Variants in SEMA6B observed in about 807,000 individuals in gnomAD.
The protein encoded by SEMA6B is semaphorin-6B.
A neutral mutation model predicts 78.6 loss-of-function variants in SEMA6B; 47 were observed. That is an observed-to-expected ratio of 0.60 (90% CI 0.47 to 0.76). The LOEUF (loss-of-function observed/expected upper bound fraction) is 0.76. SEMA6B is among the 30% of genes least tolerant of loss of function. The pLI, the probability that SEMA6B is intolerant of heterozygous loss-of-function variation, is 0.00. For missense variants in SEMA6B, 1,213 were observed against 1,269.9 expected (o/e 0.96, Z 0.68); for synonymous variants, 632 against 592.2 (o/e 1.07, Z -0.98).
At chr19:4,548,821 T>G (rs1977242316) in intron 12 of SEMA6B, among the ~76,000 whole-genome samples, 1 of 151,852 alleles carries the variant, frequency 6.6e-6, no homozygotes, top group Non-Finnish European at 1.5e-5. Flanking sequence ...GCACACGCCA[T>G]CACGCCTGGC....
Position 4,546,468 on chromosome 19 carries a change from T to A in SEMA6B, c.1603A>T (p.Asn535Tyr). Residue 535 changes from asparagine to tyrosine, a missense_variant and splice_region_variant, in exon 15 of 17, where the codon AAC becomes TAC. Coordinates refer to ENST00000586582, the MANE Select transcript of SEMA6B (RefSeq NM_032108.4). ...TAGGGGTCCTGACTGCCGATACAGT[T>A]CCTAGAGCAGACCAGGGACCGAATG... Reference protein sequence around the residue: ...RCQQYSGCMKNCIGSQDPYCG... With the variant: ...RCQQYSGCMKYCIGSQDPYCG... 8.3e-6 allele frequency: 13 copies of A among 1,557,826 alleles called. No individual in the cohort carries two copies. Among genetic ancestry groups the A allele is most frequent in the Non-Finnish European group, 1.1e-5 (13 of 1,150,120 alleles).
Position 4,558,081 on chromosome 19 carries a change from C to G in SEMA6B, c.190G>C (p.Asp64His). 6.5e-7 allele frequency: 1 copy of G among 1,527,920 alleles called. No individual in the cohort carries two copies. The highest frequency in any genetic ancestry group is 8.9e-7 in the Non-Finnish European group (1 of 1,129,406). The allele number at this position is 1,527,920 out of a possible 1,614,324, so 94.6% of individuals were successfully genotyped here. ...CGCAGGACTCGCTGGATGTTGAGGT[C>G]GTCAGCACCTTCTGCGGGGGTCAGG... ...GRLTPAEGAD[D>H]LNIQRVLRVN... Residue 64 changes from aspartate to histidine, a missense_variant, in exon 3 of 17, where the codon GAC becomes CAC. Asp to His is a moderately conservative substitution (Grantham distance 81, BLOSUM62 -1). Transcript: ENST00000586582. This position sits in a 1 kb window ranked among gnomAD's most constrained non-coding sequence, Gnocchi z 5.1.
rs1309054114 is a variant in SEMA6B at position 4,551,032 on chromosome 19, G to C, written c.990-102C>G. 5.1e-6 allele frequency: 7 copies of C among 1,361,388 alleles called. No homozygotes were observed. In the Admixed American group the frequency reaches 1.1e-4, roughly 21 times the overall value. 84.3% of individuals were successfully genotyped at this position (1,361,388 alleles called of 1,614,324 possible). ...GTCTGCAGGAGCCAGTGAATCTTCAGTCTTCCTAGGCCAGAGATGTCCCCT... is the reference window on the plus strand; with the variant it reads ...GTCTGCAGGAGCCAGTGAATCTTCACTCTTCCTAGGCCAGAGATGTCCCCT... On this transcript the variant is annotated intron_variant, in intron 10 of 16. Transcript: ENST00000586582.
chr19:4,556,095 G>A lies in SEMA6B; in HGVS notation c.370-6C>T. On this transcript the variant is annotated splice_polypyrimidine_tract_variant and splice_region_variant and intron_variant, in intron 5 of 16. Transcript: ENST00000586582. The stretch of plus-strand genomic sequence containing the variant: ...ACGAAGTTTCGACACTCGCCCTGAG[G>A]TGGGGACAGGAGGAAGCGGGGAGCG... 6.2e-7 allele frequency: 1 copy of A among 1,608,012 alleles called. No homozygotes were observed.
chr19:4,557,996 C>A, intron 3 of SEMA6B, 30 bp downstream of exon 3: 1 of 1,343,744 alleles, frequency 7.4e-7, no homozygotes, highest in Non-Finnish European at 9.7e-7. Context: ...CTGCTCGTCA[C>A]ACAGGCCTCC....
chr19:4,550,111 T>G lies in SEMA6B; in HGVS notation c.1271+12A>C. 1 of 1,613,308 alleles carries G rather than the reference T, an allele frequency of 6.2e-7. No individual in the cohort carries two copies. The highest frequency in any genetic ancestry group is 8.5e-7 in the Non-Finnish European group (1 of 1,179,806). On this transcript the variant is annotated intron_variant, in intron 12 of 16. Coordinates refer to ENST00000586582, the MANE Select transcript of SEMA6B (RefSeq NM_032108.4). This position sits in a 1 kb window ranked among gnomAD's most constrained non-coding sequence, Gnocchi z 6.6. ...GTCTCCCCTCGCCATGCCCTGCCTCTCCAGGACCGACCTCATCAGGGTCCG... is the reference window on the plus strand; with the variant it reads ...GTCTCCCCTCGCCATGCCCTGCCTCGCCAGGACCGACCTCATCAGGGTCCG...
Position 4,543,311 on chromosome 19 carries a change from A to T in SEMA6B, c.*290T>A, listed in dbSNP as rs1318680437. On this transcript the variant is annotated 3_prime_UTR_variant, in exon 17 of 17. Coordinates refer to ENST00000586582, the MANE Select transcript of SEMA6B (RefSeq NM_032108.4). ...TGGTTAGAAAACCGCAAAAGAAACC[A>T]AAACTGCAAAAAAAACCAAAACCTA... is the stretch of plus-strand genomic sequence containing the variant. The T allele has an allele frequency of 1.1e-5, 5 of 459,928 alleles. No homozygotes were observed. The highest frequency in any genetic ancestry group is 7.7e-5 in the Admixed American group (2 of 25,972). 28.5% of individuals were successfully genotyped at this position (459,928 alleles called of 1,614,324 possible).
In SEMA6B at chr19:4,554,373, C is replaced by A; in HGVS notation, c.771+15G>T. The A allele has an allele frequency of 6.2e-7, 1 of 1,605,590 alleles. No homozygotes were observed. Among genetic ancestry groups the A allele is most frequent in the Non-Finnish European group, 8.5e-7 (1 of 1,172,296 alleles). ...CAGAGCCTCTCAACTTCATGCCCCACTGCACCGGCCTCACCTTCTCCAGGT... is the reference window on the plus strand; with the variant it reads ...CAGAGCCTCTCAACTTCATGCCCCAATGCACCGGCCTCACCTTCTCCAGGT... On this transcript the variant is annotated intron_variant, in intron 9 of 16. Coordinates refer to ENST00000586582, the MANE Select transcript of SEMA6B (RefSeq NM_032108.4).
chr19:4,556,531 G>C (rs1977474628), intron 5 of SEMA6B, among the ~76,000 whole-genome samples: 1 of 149,754 alleles, frequency 6.7e-6, no homozygotes, highest in African/African-American at 2.5e-5. Context: ...CGGGGGCGTG[G>C]GGGGCGGCAG....
rs371156129 is a variant in SEMA6B at position 4,555,412 on chromosome 19, A to C, written c.562+62T>G. 29 of 1,428,422 alleles carry C rather than the reference A, an allele frequency of 2.0e-5. No homozygotes were observed. In the African/African-American group the frequency reaches 3.0e-4, roughly 15 times the overall value. 88.5% of individuals were successfully genotyped at this position (1,428,422 alleles called of 1,614,324 possible). On this transcript the variant is annotated intron_variant, in intron 7 of 16. Transcript: ENST00000586582. This position sits in a 1 kb window ranked among gnomAD's most constrained non-coding sequence, Gnocchi z 6.1. Reference sequence around the variant, plus strand: ...TTCTAAACAACCCAGACGCTGGAGTAGAAAATGCCAGGTCTTGCCTGTGGC... The same window carrying C: ...TTCTAAACAACCCAGACGCTGGAGTCGAAAATGCCAGGTCTTGCCTGTGGC...
At chr19:4,556,142 G>T in intron 5 of SEMA6B, 53 bp from the exon 6 acceptor site, 1 of 1,301,706 alleles carries the variant, frequency 7.7e-7, no homozygotes, top group Non-Finnish European at 1.1e-6. Context: ...TGGTCATGGT[G>T]ATGGGCGTGG....
chr19:4,554,207 C>T (rs1050957806), intron 9 of SEMA6B, among the ~76,000 whole-genome samples, 181 bp downstream of exon 9: 2 of 152,110 alleles, frequency 1.3e-5, no homozygotes, highest in Admixed American at 6.6e-5. Flanking sequence ...GAGTGCTCCA[C>T]GGCTGCTCCG....
In SEMA6B at chr19:4,546,387, A is replaced by G; in HGVS notation, c.1679+5T>C. 6.3e-7 allele frequency: 1 copy of G among 1,585,000 alleles called. No homozygotes were observed. Among genetic ancestry groups the G allele is most frequent in the Non-Finnish European group, 8.6e-7 (1 of 1,165,050 alleles). On this transcript the variant is annotated splice_donor_5th_base_variant and intron_variant, in intron 15 of 16. Transcript: ENST00000586582. ...CCCTCCACCCACCTCCCTCTCCCGC[A>G]GTACCTGGTGCCCGGGCTGAGGAAG...
Position 4,542,648 on chromosome 19 carries a change from A to AGAGG in SEMA6B, c.*949_*952dup, listed in dbSNP as rs1022045486. ...GGGGGCTGGGGGAGGCAAACTCCAGAGAGGGCAGAGGACCCAGCCAGCCAC... is the reference window on the plus strand; with the variant it reads ...GGGGGCTGGGGGAGGCAAACTCCAGAGAGGGAGGGCAGAGGACCCAGCCAGCCAC... On this transcript the variant is annotated 3_prime_UTR_variant, in exon 17 of 17. Transcript: ENST00000586582. 1.9e-5 allele frequency: 11 copies of AGAGG among 576,216 alleles called. No individual in the cohort carries two copies. The African/African-American group carries it at 2.1e-4, about 11-fold the overall frequency. The allele number at this position is 576,216 out of a possible 1,614,324, so 35.7% of individuals were successfully genotyped here. A position where few individuals can be genotyped will look rare whatever the true frequency, so the allele number is the denominator to read the frequency against.
Position 4,544,636 on chromosome 19 carries a change from TTTA to T in SEMA6B, c.1739-110_1739-108del. The T allele has an allele frequency of 1.7e-6, 1 of 589,504 alleles. No homozygotes were observed. Among genetic ancestry groups the T allele is most frequent in the Non-Finnish European group, 2.5e-6 (1 of 398,470 alleles). 36.5% of individuals were successfully genotyped at this position (589,504 alleles called of 1,614,324 possible). A position where few individuals can be genotyped will look rare whatever the true frequency, so the allele number is the denominator to read the frequency against. ...CTCTTTTTTATTATTTTTATTTTTTTTTATTTATTTATTTTTTGAGAAGGAGTC... is the reference window on the plus strand; with the variant it reads ...CTCTTTTTTATTATTTTTATTTTTTTTTTATTTATTTTTTGAGAAGGAGTC... On this transcript the variant is annotated intron_variant, in intron 16 of 16. Coordinates refer to ENST00000586582, the MANE Select transcript of SEMA6B (RefSeq NM_032108.4). This position sits in a 1 kb window ranked among gnomAD's most constrained non-coding sequence, Gnocchi z 5.1.
chr19:4,554,774 C>T (rs779880461), intron 8 of SEMA6B, among the ~76,000 whole-genome samples: 11 of 152,208 alleles, frequency 7.2e-5, no homozygotes, highest in Non-Finnish European at 1.3e-4. Flanking sequence ...CTAAGCCACC[C>T]ACTTCCAGCG....
In SEMA6B at chr19:4,550,049, G is replaced by C; in HGVS notation, c.1271+74C>G. ...GAAGCCATGGGCTCATCTGTGTTGA[G>C]CATCTGGATCCTCTCACCCTCCATC... is the stretch of plus-strand genomic sequence containing the variant. On this transcript the variant is annotated intron_variant, in intron 12 of 16. Transcript: ENST00000586582. This position sits in a 1 kb window ranked among gnomAD's most constrained non-coding sequence, Gnocchi z 6.6. The C allele has an allele frequency of 1.4e-6, 2 of 1,480,226 alleles. No homozygotes were observed. The highest frequency in any genetic ancestry group is 1.9e-6 in the Non-Finnish European group (2 of 1,074,044). The allele number at this position is 1,480,226 out of a possible 1,614,324, so 91.7% of individuals were successfully genotyped here. A position where few individuals can be genotyped will look rare whatever the true frequency, so the allele number is the denominator to read the frequency against.
chr19:4,552,656 A>G lies in SEMA6B; in HGVS notation c.772-17T>C, dbSNP rs771149155. 1 of 1,584,784 alleles carries G rather than the reference A, an allele frequency of 6.3e-7. No individual in the cohort carries two copies. Among genetic ancestry groups the G allele is most frequent in the Admixed American group, 1.7e-5 (1 of 58,646 alleles). On this transcript the variant is annotated splice_polypyrimidine_tract_variant and intron_variant, in intron 9 of 16. Coordinates refer to ENST00000586582, the MANE Select transcript of SEMA6B (RefSeq NM_032108.4). This position sits in a 1 kb window ranked among gnomAD's most constrained non-coding sequence, Gnocchi z 7.4. ...CACCACCACCTGGGCGTGACAGTGG[A>G]CGGACGGGGGCCTGAGCTCTGTGTC...
In SEMA6B at chr19:4,555,547, G is replaced by C. The variant is rs377147142; in HGVS notation, c.489C>G (p.Pro163=). The change falls in exon 7 of 17, where the codon CCC becomes CCG. Residue 163 remains proline (P), a synonymous_variant. Coordinates refer to ENST00000586582, the MANE Select transcript of SEMA6B (RefSeq NM_032108.4). The surrounding 1 kb of genome is among the most constrained non-coding windows in gnomAD (Gnocchi z 6.1). ...CANYSIDTLQ[P]VGDNISGMAR... ...CCATACCGCTGATGTTGTCTCCGAC[G>C]GGCTGCAGGGTGTCTATCTGCAGGG... is the stretch of plus-strand genomic sequence containing the variant. 6.2e-6 allele frequency: 10 copies of C among 1,613,326 alleles called. No homozygotes were observed. In the African/African-American group the frequency reaches 1.2e-4, roughly 19 times the overall value.
Sources: gnomAD v4.1 joint callset for allele counts (sites outside exome capture counted in the v4.1 genomes callset) on GRCh38, gnomAD v4.1.1 for gene constraint, Gnocchi (gnomAD v3.1) non-coding constraint, MANE v1.5 for transcripts, NCBI Gene and HGNC (gene_info 2026-07-23, HGNC 2026-07-21) for gene names.